Variants in MIPOL1 observed in about 807,000 individuals in gnomAD.
MIPOL1 encodes the protein mirror-image polydactyly gene 1 protein.
MIPOL1 carries 57 observed loss-of-function variants against 60.9 expected under a neutral mutation model. The ratio of observed to expected loss-of-function variants is 0.94; its 90% confidence interval spans 0.76 to 1.17. The LOEUF (loss-of-function observed/expected upper bound fraction) is 1.17. Ranked by LOEUF, MIPOL1 falls within the 50% of genes most tolerant of loss-of-function variation. MIPOL1 has a pLI of 0.00. For synonymous variants in MIPOL1, 179 were observed against 168.8 expected (o/e 1.06, Z -0.47); for missense variants, 551 against 511.6 (o/e 1.08, Z -0.74).
chr14:37,341,181 C>T (rs1232847846), intron 9 of MIPOL1, among the ~76,000 whole-genome samples: 1 of 152,076 alleles, frequency 6.6e-6, no homozygotes, highest in Non-Finnish European at 1.5e-5. Context: ...TGAGTATTAA[C>T]CAAAATGTGA....
intron 10 of MIPOL1, among the ~76,000 whole-genome samples, chr14:37,405,924 G>A (rs1351173676): frequency 6.7e-6 from 1 of 149,156 alleles, no homozygotes; most frequent in Non-Finnish European, 1.5e-5. Context: ...AGTTTTCATG[G>A]CTGTTTTTTC....
At chr14:37,242,062 C>G (rs1217668441) in intron 1 of MIPOL1, among the ~76,000 whole-genome samples, 1 of 150,766 alleles carries the variant, frequency 6.6e-6, no homozygotes, top group Non-Finnish European at 1.5e-5. Flanking sequence ...ATGAAGATCA[C>G]TGTCTTTCTA....
At chr14:37,242,599 C>T (rs555821114) in intron 1 of MIPOL1, among the ~76,000 whole-genome samples, 40 of 152,212 alleles carry the variant, frequency 2.6e-4, no homozygotes, top group African/African-American at 8.4e-4. Context: ...TCTCTATTGA[C>T]GGACATTTAT....
intron 11 of MIPOL1, among the ~76,000 whole-genome samples, chr14:37,456,567 G>A (rs1027895452): frequency 6.6e-6 from 1 of 151,756 alleles, no homozygotes; most frequent in Non-Finnish European, 1.5e-5. Context: ...TCCCAAGCCA[G>A]GTAAATATGG....
intron 10 of MIPOL1, among the ~76,000 whole-genome samples, chr14:37,419,953 C>G (rs1298468819): frequency 1.3e-5 from 2 of 151,996 alleles, no homozygotes; most frequent in East Asian, 3.9e-4. Flanking sequence ...GTTGTCCAGG[C>G]TGATCTCAAC....
At chr14:37,227,597 C>A (rs1291553811) in intron 1 of MIPOL1, 1 of 152,144 alleles carries the variant, frequency 6.6e-6, no homozygotes, top group Non-Finnish European at 1.5e-5. Flanking sequence ...GTTGTTATTG[C>A]AACAAGGAAC....
intron 9 of MIPOL1, among the ~76,000 whole-genome samples, chr14:37,341,236 A>G (rs1004657536): frequency 6.6e-6 from 1 of 152,250 alleles, no homozygotes; most frequent in Admixed American, 6.5e-5. Flanking sequence ...AAATGGCATC[A>G]ATGGATTTGC....
intron 12 of MIPOL1, chr14:37,506,506 T>A (rs1323441740): frequency 6.6e-6 from 1 of 152,220 alleles, no homozygotes; most frequent in Admixed American, 6.5e-5. Context: ...GGGAAAGGAT[T>A]CCCTATTTAA....
At chr14:37,436,389 T>C (rs1348152826) in intron 11 of MIPOL1, among the ~76,000 whole-genome samples, 2 of 152,208 alleles carry the variant, frequency 1.3e-5, no homozygotes, top group Admixed American at 1.3e-4. Flanking sequence ...ATTTTAATTA[T>C]AGATGTTTTC....
intron 10 of MIPOL1, among the ~76,000 whole-genome samples, chr14:37,389,821 C>T (rs2093183093): frequency 6.6e-6 from 1 of 151,310 alleles, no homozygotes; most frequent in Non-Finnish European, 1.5e-5. Flanking sequence ...TCCAGTAGTG[C>T]CTTATGGATA....
At chr14:37,308,154 G>A in intron 8 of MIPOL1, 65 bp downstream of exon 8, 1 of 1,474,056 alleles carries the variant, frequency 6.8e-7, no homozygotes. Flanking sequence ...AAGTTCAATT[G>A]AGTGGGTTTC....
At chr14:37,407,845 C>CTTTTTTTTTTTTTTTT (rs35133543) in intron 10 of MIPOL1, among the ~76,000 whole-genome samples, 1 of 88,796 alleles carries the variant, frequency 1.1e-5, no homozygotes, top group African/African-American at 4.5e-5. Flanking sequence ...TCTTCTTCTT[C>CTTTTTTTTTTTTTTTT]TTTTTTTTTT....
At chr14:37,459,984 C>T (rs2094521368) in intron 11 of MIPOL1, among the ~76,000 whole-genome samples, 1 of 152,012 alleles carries the variant, frequency 6.6e-6, no homozygotes, top group South Asian at 2.1e-4. Flanking sequence ...GAGGCTGAGG[C>T]AAGAGAATTG....
chr14:37,536,902 G>A (rs2095508717), intron 12 of MIPOL1, among the ~76,000 whole-genome samples: 1 of 152,136 alleles, frequency 6.6e-6, no homozygotes, highest in Admixed American at 6.5e-5. Flanking sequence ...GTGGGGGTTG[G>A]TAGTGGAAAC....
chr14:37,277,899 T>A (rs2153400788), intron 6 of MIPOL1: 1 of 151,590 alleles, frequency 6.6e-6, no homozygotes, highest in Non-Finnish European at 1.5e-5. Context: ...GAATCACATA[T>A]AGCATGTCCA....
At chr14:37,250,646 A>C (rs76772542) in intron 3 of MIPOL1, among the ~76,000 whole-genome samples, 2,366 of 152,298 alleles carry the variant, frequency 0.016, 28 homozygotes, top group Non-Finnish European at 0.024. Context: ...TCACATCGTC[A>C]TCTCCCTGAT....
intron 9 of MIPOL1, among the ~76,000 whole-genome samples, chr14:37,310,075 C>T (rs1442807077): frequency 6.6e-6 from 1 of 152,136 alleles, no homozygotes; most frequent in Non-Finnish European, 1.5e-5. Context: ...ACACACACAT[C>T]TGGCTTAAAT....
At chr14:37,333,656 G>T (rs2089902890) in intron 9 of MIPOL1, among the ~76,000 whole-genome samples, 1 of 151,882 alleles carries the variant, frequency 6.6e-6, no homozygotes, top group African/African-American at 2.4e-5. Flanking sequence ...AGATAAAGAG[G>T]GACATATCAC....
chr14:37,510,165 T>C (rs1400059488), intron 12 of MIPOL1, among the ~76,000 whole-genome samples: 1 of 152,102 alleles, frequency 6.6e-6, no homozygotes, highest in Non-Finnish European at 1.5e-5. Flanking sequence ...ACTACATGTA[T>C]ATAGACATAG....
Sources: gnomAD v4.1 joint callset for allele counts (sites outside exome capture counted in the v4.1 genomes callset) on GRCh38, gnomAD v4.1.1 for gene constraint, MANE v1.5 for transcripts, NCBI Gene and HGNC (gene_info 2026-07-23, HGNC 2026-07-21) for gene names.